The following IL9R variants were observed in gnomAD, a reference collection of about 807,000 sequenced individuals.
The protein encoded by IL9R is interleukin 9 receptor.
A neutral mutation model predicts 56.3 loss-of-function variants in IL9R; 54 were observed. The ratio of observed to expected loss-of-function variants is 0.96; its 90% CI spans 0.77 to 1.20. The LOEUF is 1.20. Ranked by LOEUF, IL9R falls within the 50% of genes most tolerant of loss-of-function variation. The pLI is 0.00. For synonymous variants in IL9R, 212 were observed against 250.2 expected, an observed-to-expected ratio of 0.85 and a Z score of 1.44; for missense variants, 545 against 629.8, an observed-to-expected ratio of 0.87 and a Z score of 1.44.
intron 2 of IL9R, 136 bp downstream of exon 2, chrX:156,003,155 G>T (rs1446010179): frequency 2.8e-6 from 3 of 1,053,328 alleles, no homozygotes; most frequent in Non-Finnish European, 4.3e-6. Context: ...CTAGGGGTCA[G>T]CCTGGACCTC....
At chrX:156,002,438 A>G (rs3093491) in intron 1 of IL9R, among the ~76,000 whole-genome samples, 7,762 of 152,168 alleles carry the variant, frequency 0.051, 688 homozygotes, top group African/African-American at 0.18. Flanking sequence ...GTGAACGGGG[A>G]CAGTGCTTCT....
chrX:156,005,506 T>C (rs2067868435), intron 6 of IL9R, 27 bp downstream of exon 6: 1 of 1,594,560 alleles, frequency 6.3e-7, no homozygotes, highest in African/African-American at 1.3e-5. Context: ...CTGCTGCACT[T>C]CCAGCGGAGT....
In IL9R at chrX:156,007,553, C is replaced by A. The variant is rs1165949576; in HGVS notation, c.918C>A (p.Pro306=). ...RVKRIFYQNV[P]SPAMFFQPLY... is the part of the protein sequence containing the mutation. ...AGAGAATCTTCTACCAGAACGTGCC[C>A]TCTCCAGCGATGTTCTTCCAGCCCC... Residue 306 remains proline, a synonymous_variant, in exon 8 of 9, where the codon CCC becomes CCA. Transcript: ENST00000244174. 3.7e-6 allele frequency: 5 copies of A among 1,344,552 alleles called. No homozygotes were observed. Among genetic ancestry groups the A allele is most frequent in the East Asian group, 2.5e-5 (1 of 39,626 alleles). 83.3% of individuals were successfully genotyped at this position (1,344,552 alleles called of 1,614,324 possible). A position where few individuals can be genotyped will look rare whatever the true frequency, so the allele number is the denominator to read the frequency against.
intron 1 of IL9R, 107 bp downstream of exon 1, chrX:155,997,894 A>G (rs2067248782): frequency 3.7e-6 from 4 of 1,070,552 alleles, no homozygotes; most frequent in Admixed American, 3.6e-5. Flanking sequence ...CCACTGTGGC[A>G]TTTGAGAGCG....
chrX:156,000,857 G>C (rs2067473540), intron 1 of IL9R, among the ~76,000 whole-genome samples: 1 of 152,194 alleles, frequency 6.6e-6, no homozygotes, highest in South Asian at 2.1e-4. Context: ...ACAGGCTTAT[G>C]TGGAAGCTGG....
intron 4 of IL9R, 75 bp downstream of exon 4, chrX:156,003,930 G>A: frequency 2.7e-6 from 4 of 1,470,794 alleles, no homozygotes; most frequent in Non-Finnish European, 3.7e-6. Flanking sequence ...TTGGAGCAGG[G>A]CCTTGCAGCC....
chrX:156,009,262 G>GTATGTC (rs2068292619), intron 8 of IL9R, among the ~76,000 whole-genome samples: 6 of 47,688 alleles, frequency 1.3e-4, no homozygotes, highest in Admixed American at 2.0e-4. Context: ...CTGTGTGTGT[G>GTATGTC]TGTTTGTGTG....
At chrX:156,007,374 A>G (rs1228770445) in intron 7 of IL9R, 149 bp from the exon 8 acceptor site, 1 of 634,882 alleles carries the variant, frequency 1.6e-6, no homozygotes, top group Middle Eastern at 4.1e-4. Flanking sequence ...CTGCCCTGAG[A>G]GTGGGTTGGA....
In IL9R at chrX:156,003,450, G is replaced by A. The variant is rs3093494; in HGVS notation, c.144G>A (p.Gly48=). Residue 48 remains glycine (G), a splice_region_variant and synonymous_variant, in exon 3 of 9, where the codon GGG becomes GGA. Transcript: ENST00000244174. The stretch of plus-strand genomic sequence containing the variant: ...GCTCCTGATGGTCACTGTCTCCAGG[G>A]CCAAGGTCTAGAACCTTCACCTGCC... The part of the protein sequence containing the change: ...LGVSVTGEGQ[G]PRSRTFTCLT... 1.9e-6 allele frequency: 3 copies of A among 1,609,478 alleles called. No homozygotes were observed. The highest frequency in any genetic ancestry group is 1.1e-5 in the South Asian group (1 of 90,912).
At chrX:156,003,952 C>T (rs2067726526) in intron 4 of IL9R, 97 bp downstream of exon 4, 1 of 1,274,992 alleles carries the variant, frequency 7.8e-7, no homozygotes, top group African/African-American at 1.5e-5. Context: ...GTGAGTGGCC[C>T]AGTGAGTGTT....
intron 1 of IL9R, among the ~76,000 whole-genome samples, chrX:156,000,644 T>C (rs2067456199): frequency 6.6e-6 from 1 of 152,154 alleles, no homozygotes; most frequent in Non-Finnish European, 1.5e-5. Context: ...GTCTGAGCTG[T>C]GGTGAGGCTT....
intron 1 of IL9R, chrX:156,001,617 GTT>G (rs377713300): frequency 0.47 from 374,295 of 789,930 alleles, 96,241 homozygotes; most frequent in African/African-American, 0.89. Context: ...CTGCCCATTG[GTT>G]TGTGCGGTCC....
Position 156,004,425 on chromosome X carries a change from C to G in IL9R, c.439C>G (p.Leu147Val), listed in dbSNP as rs1322529995. Residue 147 changes from leucine (L) to valine (V), a missense_variant, in exon 5 of 9, where the codon CTG (leucine) becomes GTG (valine). By Grantham distance (32) the Leu-to-Val change is conservative. This residue lies in a region of IL9R where 431 missense variants were observed against 360.0 expected (regional missense o/e 1.20). Transcript: ENST00000244174. ...ATGGATTCACTCTGTTCCAGTTAAGCTGGACCCGCCCTCTGACTTGCAGAG... is the reference window on the plus strand; with the variant it reads ...ATGGATTCACTCTGTTCCAGTTAAGGTGGACCCGCCCTCTGACTTGCAGAG... ...PEYLPRRHVKLDPPSDLQSNI... is the reference protein window; with the variant it reads ...PEYLPRRHVKVDPPSDLQSNI... The G allele has an allele frequency of 1.2e-6, 2 of 1,613,914 alleles. No individual in the cohort carries two copies. The highest frequency in any genetic ancestry group is 8.5e-7 in the Non-Finnish European group (1 of 1,179,830).
At chrX:156,002,573 G>A (rs1479060622) in intron 1 of IL9R, among the ~76,000 whole-genome samples, 1 of 152,226 alleles carries the variant, frequency 6.6e-6, no homozygotes, top group Non-Finnish European at 1.5e-5. Flanking sequence ...TGGGGGATGG[G>A]CTGGCAGAGG....
At chrX:156,000,163 C>T (rs2067425066) in intron 1 of IL9R, among the ~76,000 whole-genome samples, 4 of 143,888 alleles carry the variant, frequency 2.8e-5, no homozygotes, top group South Asian at 2.2e-4. Flanking sequence ...TATATATACA[C>T]ACATATATAT....
At chrX:155,999,067 A>G (rs574527314) in intron 1 of IL9R, among the ~76,000 whole-genome samples, 27 of 152,168 alleles carry the variant, frequency 1.8e-4, no homozygotes, top group African/African-American at 6.3e-4. Flanking sequence ...GCCTGTGCTC[A>G]GGCTCAGGGG....
At chrX:156,001,814 T>A (rs1226350769) in intron 1 of IL9R, among the ~76,000 whole-genome samples, 1 of 152,116 alleles carries the variant, frequency 6.6e-6, no homozygotes, top group East Asian at 1.9e-4. Context: ...ACCCAGCCCC[T>A]CATCTCTAGC....
intron 1 of IL9R, among the ~76,000 whole-genome samples, chrX:155,998,406 T>G (rs983668462): frequency 2.0e-5 from 3 of 151,942 alleles, no homozygotes; most frequent in Non-Finnish European, 4.4e-5. Context: ...TCCTGGGGTC[T>G]GGATAGCCTG....
At chrX:156,002,522 C>CA (rs2067603428) in intron 1 of IL9R, among the ~76,000 whole-genome samples, 1 of 152,170 alleles carries the variant, frequency 6.6e-6, no homozygotes, top group Non-Finnish European at 1.5e-5. Flanking sequence ...CCAGTTCCCC[C>CA]AACCCTGACT....
Sources: gnomAD v4.1 joint callset for allele counts (sites outside exome capture counted in the v4.1 genomes callset) on GRCh38, gnomAD v4.1.1 for gene constraint, gnomAD v4.1.1 regional missense constraint, MANE v1.5 for transcripts, NCBI Gene and HGNC (gene_info 2026-07-23, HGNC 2026-07-21) for gene names.